NALF1: variants seen among roughly 807,000 people sequenced by gnomAD.
NALF1 encodes the protein family with sequence similarity 155 member A.
NALF1 carries 3 observed loss-of-function variants against 48.4 expected under a neutral mutation model. The observed-to-expected ratio is 0.06, with a 90% CI of 0.03 to 0.16. The LOEUF is 0.16. Ranked by LOEUF, NALF1 falls within the 10% of genes least tolerant of loss-of-function variation. NALF1 has a pLI of 1.00. For missense variants in NALF1, 526 were observed against 571.5 expected, an observed-to-expected ratio of 0.92 and a Z score of 0.81; for synonymous variants, 262 against 245.7, an observed-to-expected ratio of 1.07 and a Z score of -0.62.
At chr13:107,701,248 A>G (rs960509633) in intron 1 of NALF1, among the ~76,000 whole-genome samples, 2 of 152,178 alleles carry the variant, frequency 1.3e-5, no homozygotes, top group African/African-American at 4.8e-5. Flanking sequence ...GACCCACTGA[A>G]AGACAAATAG....
chr13:107,374,276 A>G (rs1021257803), intron 1 of NALF1, among the ~76,000 whole-genome samples: 3 of 152,154 alleles, frequency 2.0e-5, no homozygotes, highest in Admixed American at 1.3e-4. Flanking sequence ...GTATGTGAGG[A>G]AATTCTGTCT....
chr13:107,587,007 G>A (rs969460702), intron 1 of NALF1, among the ~76,000 whole-genome samples: 6 of 152,104 alleles, frequency 3.9e-5, no homozygotes, highest in African/African-American at 1.2e-4. Flanking sequence ...AAAACCAAAA[G>A]TATTACATTG....
At chr13:107,814,391 C>T (rs1320616368) in intron 1 of NALF1, among the ~76,000 whole-genome samples, 2 of 152,168 alleles carry the variant, frequency 1.3e-5, no homozygotes, top group African/African-American at 2.4e-5. Flanking sequence ...AGTACTAATA[C>T]GCATTTTGGA....
intron 1 of NALF1, among the ~76,000 whole-genome samples, chr13:107,613,715 C>T (rs1273794528): frequency 6.6e-6 from 1 of 152,170 alleles, no homozygotes; most frequent in East Asian, 1.9e-4. Context: ...TTTCAGTTAA[C>T]ACAGCATAGC....
chr13:107,489,999 A>C (rs1885389602), intron 1 of NALF1, among the ~76,000 whole-genome samples: 1 of 152,186 alleles, frequency 6.6e-6, no homozygotes, highest in Non-Finnish European at 1.5e-5. Flanking sequence ...AACATCACTG[A>C]TCATTAGAGA....
At chr13:107,865,650 C>T (rs779955882) in intron 1 of NALF1, 32 bp downstream of exon 1, 1 of 1,597,766 alleles carries the variant, frequency 6.3e-7, no homozygotes. Context: ...TAGGAAAGTG[C>T]AGGAAAGGGG....
chr13:107,253,849 C>A, intron 1 of NALF1, among the ~76,000 whole-genome samples: 1 of 152,054 alleles, frequency 6.6e-6, no homozygotes, highest in East Asian at 1.9e-4. Flanking sequence ...CTTCAGAGGG[C>A]CTTTCCTCTC....
intron 1 of NALF1, among the ~76,000 whole-genome samples, chr13:107,726,427 C>T (rs1876151767): frequency 6.6e-6 from 1 of 151,790 alleles, no homozygotes; most frequent in Non-Finnish European, 1.5e-5. Context: ...ATAAAAAATT[C>T]CTTTTATTTG....
rs1187626266 is a variant in NALF1 at position 107,363,702 on chromosome 13, A to G, written c.916-152947T>C. Among the ~76,000 whole-genome samples, 3 of 152,234 alleles carry G rather than the reference A, an allele frequency of 2.0e-5. No homozygotes were observed. In the East Asian group the frequency reaches 5.8e-4, roughly 29 times the overall value. ...TTATGTTTAAGAGCCATAGTAAATA[A>G]GACAAATTTTTGTCTATTGAAGAAC... On this transcript the variant is annotated intron_variant, in intron 1 of 2. Coordinates refer to ENST00000375915, the MANE Select transcript of NALF1 (RefSeq NM_001080396.3).
intron 1 of NALF1, among the ~76,000 whole-genome samples, chr13:107,320,429 C>T (rs577250578): frequency 1.5e-4 from 23 of 152,220 alleles, no homozygotes; most frequent in Non-Finnish European, 2.5e-4. Flanking sequence ...CAACTTCAAA[C>T]GGACTTCTTC....
intron 1 of NALF1, among the ~76,000 whole-genome samples, chr13:107,615,487 T>G (rs780255112): frequency 6.6e-5 from 10 of 152,142 alleles, no homozygotes; most frequent in Non-Finnish European, 1.3e-4. Context: ...TATAATTATC[T>G]CCCCGTCAAC....
intron 1 of NALF1, among the ~76,000 whole-genome samples, chr13:107,561,184 T>G (rs1050417070): frequency 6.6e-6 from 1 of 152,218 alleles, no homozygotes; most frequent in African/African-American, 2.4e-5. Flanking sequence ...TATTTTCATC[T>G]AAGAAACATT....
At chr13:107,222,784 G>A (rs1055401123) in intron 1 of NALF1, among the ~76,000 whole-genome samples, 2 of 152,234 alleles carry the variant, frequency 1.3e-5, no homozygotes, top group Admixed American at 6.5e-5. Flanking sequence ...TTAGGCAGCA[G>A]TGAACTCTCC....
chr13:107,455,256 TA>T (rs1417293930), intron 1 of NALF1, among the ~76,000 whole-genome samples: 13 of 152,146 alleles, frequency 8.5e-5, no homozygotes, highest in Admixed American at 2.6e-4. Context: ...ATAAATTACC[TA>T]GTCTCTGGTG....
At chr13:107,829,104 CA>C (rs1163972719) in intron 1 of NALF1, among the ~76,000 whole-genome samples, 2 of 152,114 alleles carry the variant, frequency 1.3e-5, no homozygotes, top group Non-Finnish European at 2.9e-5. Flanking sequence ...CAAAAGTAGA[CA>C]AGCAAAGGTC....
intron 1 of NALF1, among the ~76,000 whole-genome samples, chr13:107,477,877 T>A (rs2139058028): frequency 6.6e-6 from 1 of 152,144 alleles, no homozygotes; most frequent in African/African-American, 2.4e-5. Context: ...CGAAAAGTAA[T>A]CATCAAAGAA....
intron 1 of NALF1, among the ~76,000 whole-genome samples, chr13:107,819,774 A>G (rs552851008): frequency 2.3e-4 from 35 of 151,070 alleles, no homozygotes; most frequent in African/African-American, 8.3e-4. Flanking sequence ...TCACACACAC[A>G]CACACAGCAC....
At chr13:107,790,782 T>C (rs919051580) in intron 1 of NALF1, among the ~76,000 whole-genome samples, 1 of 152,100 alleles carries the variant, frequency 6.6e-6, no homozygotes, top group African/African-American at 2.4e-5. Context: ...GCATAGAAAA[T>C]GGGTGCAGGT....
intron 1 of NALF1, among the ~76,000 whole-genome samples, chr13:107,675,492 CTTT>C (rs1376837691): frequency 2.0e-5 from 3 of 152,304 alleles, no homozygotes; most frequent in Admixed American, 1.3e-4. Context: ...ATTATAACTT[CTTT>C]ATCTCGTTTC....
Sources: allele counts gnomAD v4.1 joint callset (sites outside exome capture counted in the v4.1 genomes callset), GRCh38; gene constraint gnomAD v4.1.1; transcripts MANE v1.5; gene names NCBI Gene and HGNC (gene_info 2026-07-23, HGNC 2026-07-21).